SKA1: variants seen among roughly 807,000 people sequenced by gnomAD.
SKA1 encodes SKA complex subunit 1.
SKA1 carries 20 observed loss-of-function variants against 31.8 expected under a neutral mutation model. That is an observed-to-expected ratio of 0.63 (90% CI 0.44 to 0.91). The LOEUF is 0.91. Among genes scored for constraint, SKA1 ranks in the 40% least tolerant of loss-of-function variants. The pLI, the probability that SKA1 is intolerant of heterozygous loss-of-function variation, is 0.00. For missense variants in SKA1, 253 were observed against 298.2 expected, an observed-to-expected ratio of 0.85 and a Z score of 1.12; for synonymous variants, 88 against 100.5, an observed-to-expected ratio of 0.88 and a Z score of 0.74.
intron 5 of SKA1, 31 bp downstream of exon 5, chr18:50,385,384 C>T (rs1346385602): frequency 1.4e-6 from 2 of 1,481,360 alleles, no homozygotes; most frequent in Non-Finnish European, 9.1e-7. Flanking sequence ...ATGTTCAACC[C>T]CTTAATAAAC....
Position 50,392,316 on chromosome 18 carries a change from T to A in SKA1, c.*69T>A. ...AGAGGCTATTTCTATAATTTTCTTA[T>A]ATATAATTTTTTTAACTTTTAATCT... On this transcript the variant is annotated 3_prime_UTR_variant, in exon 7 of 7. Transcript: ENST00000285116. 9.7e-7 allele frequency: 1 copy of A among 1,029,370 alleles called. No individual in the cohort carries two copies. The highest frequency in any genetic ancestry group is 1.3e-6 in the Non-Finnish European group (1 of 783,150). 63.8% of individuals were successfully genotyped at this position (1,029,370 alleles called of 1,614,324 possible).
At chr18:50,381,168 C>T (rs1599725036) in intron 3 of SKA1, among the ~76,000 whole-genome samples, 1 of 152,198 alleles carries the variant, frequency 6.6e-6, no homozygotes, top group East Asian at 1.9e-4. Context: ...GAACTGAAGG[C>T]TATTTGGAAT....
At chr18:50,381,972 G>A (rs752676666) in intron 3 of SKA1, among the ~76,000 whole-genome samples, 157 bp from the exon 4 acceptor site, 5 of 152,068 alleles carry the variant, frequency 3.3e-5, no homozygotes, top group African/African-American at 4.8e-5. Context: ...TGATCCACCC[G>A]CCTTAGCCTC....
intron 2 of SKA1, among the ~76,000 whole-genome samples, chr18:50,376,564 C>G (rs201862314): frequency 8.1e-6 from 1 of 124,028 alleles, no homozygotes; most frequent in Admixed American, 8.4e-5. Flanking sequence ...GAGACAGTGA[C>G]TGTGAGGGCC....
At chr18:50,380,878 G>C (rs1466545793) in intron 3 of SKA1, among the ~76,000 whole-genome samples, 1 of 152,158 alleles carries the variant, frequency 6.6e-6, no homozygotes, top group African/African-American at 2.4e-5. Context: ...CACATTGTTA[G>C]AGCTGGGGAA....
intron 3 of SKA1, among the ~76,000 whole-genome samples, chr18:50,380,952 T>C (rs1336214737): frequency 1.3e-5 from 2 of 152,246 alleles, no homozygotes; most frequent in Admixed American, 1.3e-4. Context: ...CCTTAAAGTC[T>C]GTAAAGATTG....
intron 2 of SKA1, among the ~76,000 whole-genome samples, chr18:50,378,009 AG>A (rs2041234667): frequency 1.3e-5 from 2 of 152,180 alleles, no homozygotes; most frequent in Non-Finnish European, 2.9e-5. Context: ...TCAGCTCATG[AG>A]TACTTGGTTG....
chr18:50,378,603 A>G (rs1398742239), intron 2 of SKA1, among the ~76,000 whole-genome samples: 1 of 150,276 alleles, frequency 6.7e-6, no homozygotes, highest in Non-Finnish European at 1.5e-5. Flanking sequence ...TGAGCCTGGT[A>G]GGTTGAGGCT....
At position 50,382,862 on chromosome 18, in the gene SKA1, A is replaced by G. The variant is rs540849729; in HGVS notation, c.311+636A>G. On this transcript the variant is annotated intron_variant, in intron 4 of 6. Coordinates refer to ENST00000285116, the MANE Select transcript of SKA1 (RefSeq NM_145060.4). ...AGCCTGGGCAACATGGTGAAACCCCATCTCTGCTAAAAATACAAAAAATTA... is the reference window on the plus strand; with the variant it reads ...AGCCTGGGCAACATGGTGAAACCCCGTCTCTGCTAAAAATACAAAAAATTA... Among the ~76,000 whole-genome samples, 14 of 152,218 alleles carry G rather than the reference A, an allele frequency of 9.2e-5. 1 individual carries two copies. In the South Asian group the frequency reaches 2.7e-3, roughly 29 times the overall value.
At chr18:50,389,611 G>C (rs2041341426) in intron 5 of SKA1, among the ~76,000 whole-genome samples, 1 of 151,862 alleles carries the variant, frequency 6.6e-6, no homozygotes, top group Admixed American at 6.6e-5. Flanking sequence ...TGGCCAGGCT[G>C]GTCTCAAACT....
chr18:50,390,980 A>T (rs1298783018), intron 5 of SKA1, 144 bp from the exon 6 acceptor site: 1 of 532,144 alleles, frequency 1.9e-6, no homozygotes, highest in South Asian at 4.2e-5. Flanking sequence ...TGTCTGGTTT[A>T]TTTGGAAGTT....
chr18:50,376,455 T>G (rs2041216405), intron 2 of SKA1, among the ~76,000 whole-genome samples: 1 of 152,184 alleles, frequency 6.6e-6, no homozygotes, highest in Non-Finnish European at 1.5e-5. Flanking sequence ...TATTTGTGTA[T>G]CTAAACATAG....
intron 3 of SKA1, among the ~76,000 whole-genome samples, chr18:50,381,729 T>G (rs1261451456): frequency 2.0e-5 from 3 of 148,868 alleles, no homozygotes; most frequent in African/African-American, 5.0e-5. Context: ...TGTGGTTTTT[T>G]TTTTTTTTTT....
At position 50,392,798 on chromosome 18, in the gene SKA1, C is replaced by T. The variant is rs1414646773; in HGVS notation, c.*551C>T. 2.0e-5 allele frequency: 3 copies of T among 150,284 alleles called. No homozygotes were observed. Among genetic ancestry groups the T allele is most frequent in the African/African-American group, 7.4e-5 (3 of 40,742 alleles). 9.3% of individuals were successfully genotyped at this position (150,284 alleles called of 1,614,324 possible). A position where few individuals can be genotyped will look rare whatever the true frequency, so the allele number is the denominator to read the frequency against. On this transcript the variant is annotated 3_prime_UTR_variant, in exon 7 of 7. Transcript: ENST00000285116. The stretch of plus-strand genomic sequence containing the variant: ...AGGCCGGACTGCAGCGGCGCTATCT[C>T]GGCTCACTGCAAACTCTGCCTCCCA...
At chr18:50,388,960 T>G (rs544878803) in intron 5 of SKA1, among the ~76,000 whole-genome samples, 24 of 152,296 alleles carry the variant, frequency 1.6e-4, no homozygotes, top group Non-Finnish European at 3.2e-4. Context: ...CCGTTACTAT[T>G]TAAATGTTCC....
At chr18:50,377,520 C>T (rs2041228799) in intron 2 of SKA1, among the ~76,000 whole-genome samples, 1 of 152,122 alleles carries the variant, frequency 6.6e-6, no homozygotes. Flanking sequence ...CATCCATGAA[C>T]TTGGAGATTT....
At chr18:50,382,933 C>G (rs1272680992) in intron 4 of SKA1, among the ~76,000 whole-genome samples, 1 of 152,198 alleles carries the variant, frequency 6.6e-6, no homozygotes, top group African/African-American at 2.4e-5. Context: ...ACTCAGGGAG[C>G]TGAGGCGGGA....
At chr18:50,387,667 C>T (rs183398096) in intron 5 of SKA1, among the ~76,000 whole-genome samples, 5 of 152,318 alleles carry the variant, frequency 3.3e-5, no homozygotes, top group Admixed American at 2.6e-4. Context: ...TGGAGCCCAT[C>T]AAAGGCATTC....
At chr18:50,381,218 C>G (rs1411788044) in intron 3 of SKA1, among the ~76,000 whole-genome samples, 2 of 152,192 alleles carry the variant, frequency 1.3e-5, no homozygotes, top group Non-Finnish European at 2.9e-5. Context: ...TGGCGGGAAT[C>G]CAAAGGCACA....
Sources: gnomAD v4.1 joint callset for allele counts (sites outside exome capture counted in the v4.1 genomes callset) on GRCh38, gnomAD v4.1.1 for gene constraint, MANE v1.5 for transcripts, NCBI Gene and HGNC (gene_info 2026-07-23, HGNC 2026-07-21) for gene names.